The following CDC25A variants were observed in gnomAD, a reference collection of about 807,000 sequenced individuals.
CDC25A encodes the protein M-phase inducer phosphatase 1.
A neutral mutation model predicts 64.6 loss-of-function variants in CDC25A; 17 were observed. The observed-to-expected ratio is 0.26, with a 90% CI of 0.18 to 0.39. The LOEUF is 0.39. Ranked by LOEUF, CDC25A falls within the 10% of genes least tolerant of loss-of-function variation. The pLI, the probability that CDC25A is intolerant of heterozygous loss-of-function variation, is 1.00. For missense variants in CDC25A, 473 were observed against 654.8 expected, an observed-to-expected ratio of 0.72 and a Z score of 3.03; for synonymous variants, 229 against 238.6, an observed-to-expected ratio of 0.96 and a Z score of 0.37.
intron 12 of CDC25A, among the ~76,000 whole-genome samples, chr3:48,165,018 G>A (rs2031942765): frequency 6.8e-6 from 1 of 146,794 alleles, no homozygotes; most frequent in South Asian, 2.2e-4. Flanking sequence ...GCTGAGGCAG[G>A]AGAATTGCTT....
At chr3:48,182,416 G>A (rs1358084438) in intron 5 of CDC25A, among the ~76,000 whole-genome samples, 3 of 152,160 alleles carry the variant, frequency 2.0e-5, no homozygotes, top group Non-Finnish European at 2.9e-5. Flanking sequence ...ATTCAGGGTA[G>A]ATAACCAGAA....
At chr3:48,169,603 C>T (rs3731535) in intron 9 of CDC25A, among the ~76,000 whole-genome samples, 6,164 of 152,274 alleles carry the variant, frequency 0.04, 428 homozygotes, top group African/African-American at 0.14. Context: ...TGACCAACTA[C>T]AGTGTATAGA....
At chr3:48,187,659 G>T in intron 1 of CDC25A, 119 bp downstream of exon 1, 1 of 1,028,976 alleles carries the variant, frequency 9.7e-7, no homozygotes, top group South Asian at 1.8e-5. Context: ...GGCTGTCCCC[G>T]AGCGGCGAAC....
chr3:48,188,276 A>G lies in CDC25A; in HGVS notation c.-329T>C, dbSNP rs955898299. On this transcript the variant is annotated 5_prime_UTR_variant, in exon 1 of 15. Transcript: ENST00000302506. The stretch of plus-strand genomic sequence containing the variant: ...CAAGAGAAGCCGGGCGAGAGCCTCG[A>G]GGCAACGGCCCAGGCTCACGCTGTC... 8.9e-6 allele frequency: 2 copies of G among 223,970 alleles called. No individual in the cohort carries two copies. Among genetic ancestry groups the G allele is most frequent in the African/African-American group, 4.6e-5 (2 of 43,676 alleles). The allele number at this position is 223,970 out of a possible 1,614,324, so 13.9% of individuals were successfully genotyped here.
intron 10 of CDC25A, 147 bp downstream of exon 10, chr3:48,167,699 G>A: frequency 3.3e-6 from 2 of 598,574 alleles, no homozygotes; most frequent in Non-Finnish European, 6.0e-6. Context: ...GAGAAACTAA[G>A]TTTGCTTCCC....
chr3:48,182,070 G>C (rs1487476252), intron 5 of CDC25A, among the ~76,000 whole-genome samples: 1 of 152,274 alleles, frequency 6.6e-6, no homozygotes. Flanking sequence ...TATTTCGGGG[G>C]AAAACCAGGC....
intron 9 of CDC25A, 73 bp from the exon 10 acceptor site, chr3:48,168,017 T>A: frequency 1.1e-6 from 1 of 881,262 alleles, no homozygotes; most frequent in Non-Finnish European, 1.9e-6. Context: ...ACTTGGAGCA[T>A]GTCTCGAGGA....
At chr3:48,165,311 C>T (rs2031959832) in intron 12 of CDC25A, among the ~76,000 whole-genome samples, 1 of 151,882 alleles carries the variant, frequency 6.6e-6, no homozygotes, top group Admixed American at 6.6e-5. Context: ...ACATTGGTAC[C>T]CAAGCCTCTT....
rs2031584820 is a variant in CDC25A, at chr3:48,157,932, A to C, written c.*1013T>G. On this transcript the variant is annotated 3_prime_UTR_variant, in exon 15 of 15. Coordinates refer to ENST00000302506, the MANE Select transcript of CDC25A (RefSeq NM_001789.3). ...TAAAAATTAGAAAATAAAAGCTATC[A>C]ATATCACAGCAACATAAGGAAGATA... is the stretch of plus-strand genomic sequence containing the variant. 6.6e-6 allele frequency: 1 copy of C among 152,462 alleles called. No individual in the cohort carries two copies. The highest frequency in any genetic ancestry group is 2.4e-5 in the African/African-American group (1 of 41,456). 9.4% of individuals were successfully genotyped at this position (152,462 alleles called of 1,614,324 possible).
chr3:48,165,212 A>C (rs959485011), intron 12 of CDC25A, among the ~76,000 whole-genome samples: 1 of 151,938 alleles, frequency 6.6e-6, no homozygotes. Context: ...TGAACAATCA[A>C]CTTTGGAGGC....
Position 48,188,070 on chromosome 3 carries a change from G to C in CDC25A, c.-123C>G, listed in dbSNP as rs554388171. 9 of 777,402 alleles carry C rather than the reference G, an allele frequency of 1.2e-5. No individual in the cohort carries two copies. In the East Asian group the frequency reaches 3.0e-4, roughly 26 times the overall value. The allele number at this position is 777,402 out of a possible 1,614,324, so 48.2% of individuals were successfully genotyped here. A position where few individuals can be genotyped will look rare whatever the true frequency, so the allele number is the denominator to read the frequency against. On this transcript the variant is annotated 5_prime_UTR_variant, in exon 1 of 15. Coordinates refer to ENST00000302506, the MANE Select transcript of CDC25A (RefSeq NM_001789.3). The stretch of plus-strand genomic sequence containing the variant: ...GCGCCCGCGGGTCAAACACAAACAC[G>C]ACTCCGCGGTTCAGGGACGCGGCTG...
rs760496535 is a variant in CDC25A at position 48,180,735 on chromosome 3, C to A, written c.535G>T (p.Ala179Ser). Residue 179 changes from alanine (A) to serine (S), a missense_variant, in exon 6 of 15, where the codon GCC (alanine) becomes TCC (serine). By Grantham distance (99) the Ala-to-Ser change is moderately conservative (BLOSUM62 1). Around this residue, in one of 2 missense-constraint regions of CDC25A, gnomAD observed 376 missense variants for 431.9 expected, o/e 0.87. Coordinates refer to ENST00000302506, the MANE Select transcript of CDC25A (RefSeq NM_001789.3). ...AGAGCACATACCATCCGAGCTGGGG[C>A]AGAGTTCTGCCTCTGTGTGAAGAGA... ...KDLFTQRQNS[A>S]PARMLSSNER... 9 of 1,613,954 alleles carry A rather than the reference C, an allele frequency of 5.6e-6. No individual in the cohort carries two copies. In the South Asian group the frequency reaches 8.8e-5, roughly 16 times the overall value.
At chr3:48,176,316 T>C (rs560156412) in intron 8 of CDC25A, among the ~76,000 whole-genome samples, 68 of 152,188 alleles carry the variant, frequency 4.5e-4, no homozygotes, top group African/African-American at 1.6e-3. Flanking sequence ...TACAGGTGTA[T>C]ATATCTGTAT....
intron 9 of CDC25A, among the ~76,000 whole-genome samples, chr3:48,172,038 G>A (rs3731527): frequency 0.012 from 1,751 of 152,104 alleles, 23 homozygotes; most frequent in Middle Eastern, 0.024. Flanking sequence ...GCATGGTGGT[G>A]CATGCCTGTA....
Position 48,159,375 on chromosome 3 carries a change from C to T in CDC25A, c.1403G>A (p.Gly468Glu). Reference protein sequence around the residue: ...LHYPELYVLKGGYKEFFMKCQ... With the variant: ...LHYPELYVLKEGYKEFFMKCQ... ...TTTCATAAAGAACTCCTTGTATCCCCCCTTCAGGACATACAGCTCAGGGTA... is the reference window on the plus strand; with the variant it reads ...TTTCATAAAGAACTCCTTGTATCCCTCCTTCAGGACATACAGCTCAGGGTA... Residue 468 changes from glycine (G) to glutamate (E), a missense_variant, in exon 14 of 15, where the codon GGG becomes GAG. This residue lies in a region of CDC25A where 97 missense variants were observed against 223.0 expected (regional missense o/e 0.43). Transcript: ENST00000302506. 1 of 1,613,840 alleles carries T rather than the reference C, an allele frequency of 6.2e-7. No individual in the cohort carries two copies. The highest frequency in any genetic ancestry group is 8.5e-7 in the Non-Finnish European group (1 of 1,179,792).
At chr3:48,164,843 C>T (rs575352577) in intron 12 of CDC25A, among the ~76,000 whole-genome samples, 220 of 152,044 alleles carry the variant, frequency 1.4e-3, no homozygotes, top group South Asian at 5.4e-3. Context: ...CGCCGTGGCT[C>T]ATGCCTGTAA....
Position 48,159,118 on chromosome 3 carries a change from C to T in CDC25A, c.1435-33G>A, listed in dbSNP as rs3731559. On this transcript the variant is annotated intron_variant, in intron 14 of 14. Coordinates refer to ENST00000302506, the MANE Select transcript of CDC25A (RefSeq NM_001789.3). ...GACAGGAGAGAATAAGGTTAGGGTA[C>T]ACCTGCCTCACACCCACAACCTGGT... 465 of 1,607,426 alleles carry T rather than the reference C, an allele frequency of 2.9e-4. 4 individuals are homozygous for T. In the African/African-American group the frequency reaches 5.4e-3, roughly 19 times the overall value.
intron 8 of CDC25A, among the ~76,000 whole-genome samples, chr3:48,176,464 C>G (rs1255289478): frequency 6.7e-6 from 1 of 148,384 alleles, no homozygotes; most frequent in African/African-American, 2.5e-5. Context: ...TCTACATATA[C>G]TATGCTTTCT....
chr3:48,181,088 C>T (rs1327035805), intron 5 of CDC25A, among the ~76,000 whole-genome samples: 1 of 152,106 alleles, frequency 6.6e-6, no homozygotes, highest in Non-Finnish European at 1.5e-5. Context: ...ATACAAAACA[C>T]GATGAATAAG....
Sources: gnomAD v4.1 joint callset for allele counts (sites outside exome capture counted in the v4.1 genomes callset) on GRCh38, gnomAD v4.1.1 for gene constraint, gnomAD v4.1.1 regional missense constraint, MANE v1.5 for transcripts, NCBI Gene and HGNC (gene_info 2026-07-23, HGNC 2026-07-21) for gene names.